PTH2R: variants seen among roughly 807,000 people sequenced by gnomAD.
The protein encoded by PTH2R is PTH2 receptor.
PTH2R carries 59 observed loss-of-function variants against 60.3 expected under a neutral mutation model. That is an observed-to-expected ratio of 0.98 (90% CI 0.79 to 1.22). PTH2R has a LOEUF of 1.22. Ranked by LOEUF, PTH2R falls within the 50% of genes most tolerant of loss-of-function variation. The pLI is 0.00. For missense variants in PTH2R, 749 were observed against 682.6 expected (o/e 1.10, Z -1.08); for synonymous variants, 256 against 243.8 (o/e 1.05, Z -0.47).
At chr2:208,415,185 A>C (rs1321199709) in intron 1 of PTH2R, among the ~76,000 whole-genome samples, 4 of 152,202 alleles carry the variant, frequency 2.6e-5, no homozygotes, top group Non-Finnish European at 4.4e-5. Context: ...TAAGATTTTA[A>C]TAAGGGGAAA....
chr2:208,447,500 A>G (rs921908124), intron 7 of PTH2R, among the ~76,000 whole-genome samples: 3 of 151,676 alleles, frequency 2.0e-5, no homozygotes, highest in African/African-American at 7.3e-5. Flanking sequence ...AAGCAGGAGA[A>G]TGGCGTGAAC....
Position 208,444,790 on chromosome 2 carries a change from T to C in PTH2R, c.756T>C (p.Tyr252=), listed in dbSNP as rs775874032. ...MFIYFLATNY[Y]WILVEGLYLH... is the part of the protein sequence containing the mutation. ...TTTACTTCCTGGCTACAAATTATTA[T>C]TGGATCCTGGTGGAAGGTCTCTACC... Residue 252 remains tyrosine (Y), a synonymous_variant, in exon 7 of 13, where the codon TAT becomes TAC. Coordinates refer to ENST00000272847, the MANE Select transcript of PTH2R (RefSeq NM_005048.4). The C allele has an allele frequency of 3.1e-6, 5 of 1,613,964 alleles. No homozygotes were observed. The highest frequency in any genetic ancestry group is 4.2e-6 in the Non-Finnish European group (5 of 1,179,880).
chr2:208,462,253 TAAG>T (rs958869962), intron 9 of PTH2R, among the ~76,000 whole-genome samples: 3 of 151,980 alleles, frequency 2.0e-5, no homozygotes, highest in Non-Finnish European at 2.9e-5. Flanking sequence ...AAGGCTGAGT[TAAG>T]AAGGAGAAAA....
At chr2:208,420,260 A>C (rs1302298256) in intron 1 of PTH2R, among the ~76,000 whole-genome samples, 1 of 152,058 alleles carries the variant, frequency 6.6e-6, no homozygotes, top group African/African-American at 2.4e-5. Flanking sequence ...CATTGTGCAC[A>C]TGTACCCTAA....
chr2:208,489,072 C>G lies in PTH2R; in HGVS notation c.1137C>G (p.Phe379Leu). ...VLVFGVHYIV[F>L]VCLPHSFTGL... ...TCTTTGGAGTGCATTACATCGTGTT[C>G]GTATGCCTGCCTCACTCCTTCACTG... is the stretch of plus-strand genomic sequence containing the variant. Residue 379 changes from phenylalanine (F) to leucine (L), a missense_variant, in exon 11 of 13, where the codon TTC becomes TTG. Physicochemically the swap from Phe to Leu is conservative, Grantham distance 22 (BLOSUM62 0). Transcript: ENST00000272847. The G allele has an allele frequency of 1.9e-6, 3 of 1,614,108 alleles. No individual in the cohort carries two copies. The highest frequency in any genetic ancestry group is 8.5e-7 in the Non-Finnish European group (1 of 1,180,016).
chr2:208,405,607 C>G (rs1181993031), upstream of PTH2R, among the ~76,000 whole-genome samples: 1 of 152,160 alleles, frequency 6.6e-6, no homozygotes, highest in Non-Finnish European at 1.5e-5. Flanking sequence ...GCTAACGATA[C>G]TAGCTAATAC....
chr2:208,402,397 TTTG>T, upstream of PTH2R, among the ~76,000 whole-genome samples: 1 of 152,372 alleles, frequency 6.6e-6, no homozygotes, highest in African/African-American at 2.4e-5. Context: ...TGTTCCATTT[TTTG>T]TTGTTTTTAT....
At chr2:208,394,513 G>C (rs1016224668) in intron 1 of PTH2R, among the ~76,000 whole-genome samples, 4 of 152,198 alleles carry the variant, frequency 2.6e-5, no homozygotes, top group Non-Finnish European at 1.5e-5. Flanking sequence ...ATGACTGCAG[G>C]CATGACCCTC....
rs1258826945 is a variant in PTH2R, at chr2:208,444,797, CT to C, written c.764del (p.Leu255ArgfsTer27). Reference protein sequence around the residue: ...YFLATNYYWILVEGLYLHNLI... With the variant: ...YFLATNYYWIXVEGLYLHNLI... ...CCTGGCTACAAATTATTATTGGATC[CT>C]GGTGGAAGGTCTCTACCTGCATAAT... On this transcript the variant is annotated frameshift_variant, in exon 7 of 13. Transcript: ENST00000272847. LOFTEE classifies it high-confidence loss of function. 6 of 1,613,498 alleles carry C rather than the reference CT, an allele frequency of 3.7e-6. No homozygotes were observed. The highest frequency in any genetic ancestry group is 5.1e-6 in the Non-Finnish European group (6 of 1,179,716).
intron 4 of PTH2R, among the ~76,000 whole-genome samples, chr2:208,442,144 A>G (rs2105870217): frequency 6.6e-6 from 1 of 152,294 alleles, no homozygotes; most frequent in South Asian, 2.1e-4. Flanking sequence ...GGGGGTGGAT[A>G]GTGGGTGTTT....
intron 1 of PTH2R, chr2:208,361,106 C>G (rs1165735785): frequency 5.7e-6 from 1 of 174,204 alleles, no homozygotes; most frequent in Non-Finnish European, 1.2e-5. Context: ...CCAGCACACA[C>G]AGCAGGCAGT....
chr2:208,465,528 G>C (rs528940995), intron 9 of PTH2R, among the ~76,000 whole-genome samples: 1 of 145,246 alleles, frequency 6.9e-6, no homozygotes, highest in Admixed American at 7.0e-5. Flanking sequence ...TCAGACTCCC[G>C]AGTAGCTGAT....
intron 1 of PTH2R, among the ~76,000 whole-genome samples, chr2:208,363,556 GATTA>G (rs1224064805): frequency 6.6e-6 from 1 of 152,178 alleles, no homozygotes; most frequent in Non-Finnish European, 1.5e-5. Context: ...TAGGTGGAAT[GATTA>G]ATTCACTTTT....
intron 1 of PTH2R, among the ~76,000 whole-genome samples, chr2:208,374,210 C>T (rs1280267577): frequency 6.6e-6 from 1 of 151,860 alleles, no homozygotes; most frequent in Non-Finnish European, 1.5e-5. Flanking sequence ...CTGCCATTTC[C>T]GATGGTTCTT....
At chr2:208,471,004 G>T (rs1702868414) in intron 9 of PTH2R, among the ~76,000 whole-genome samples, 2 of 152,212 alleles carry the variant, frequency 1.3e-5, no homozygotes, top group African/African-American at 4.8e-5. Context: ...GTGGCATTTT[G>T]TTCCTGCCCT....
At chr2:208,365,362 T>TTTTC (rs1559198531) in intron 1 of PTH2R, among the ~76,000 whole-genome samples, 8 of 152,098 alleles carry the variant, frequency 5.3e-5, no homozygotes, top group East Asian at 1.9e-4. Flanking sequence ...TTGAGTGTTT[T>TTTTC]TTTTCTTTTC....
At chr2:208,464,926 A>C (rs528718703) in intron 9 of PTH2R, among the ~76,000 whole-genome samples, 1 of 152,014 alleles carries the variant, frequency 6.6e-6, no homozygotes, top group Non-Finnish European at 1.5e-5. Context: ...CATCCTAGCT[A>C]ACATTTATCT....
intron 1 of PTH2R, among the ~76,000 whole-genome samples, chr2:208,421,024 G>C (rs997533276): frequency 6.6e-6 from 1 of 152,086 alleles, no homozygotes; most frequent in South Asian, 2.1e-4. Context: ...ACCGTGCTTT[G>C]TTTCTAAGTA....
intron 9 of PTH2R, among the ~76,000 whole-genome samples, chr2:208,472,354 T>C (rs1369109477): frequency 6.6e-6 from 1 of 152,188 alleles, no homozygotes; most frequent in East Asian, 1.9e-4. Context: ...ACCAGTCTCT[T>C]TGATAATAGA....
Sources: gnomAD v4.1 joint callset for allele counts (sites outside exome capture counted in the v4.1 genomes callset) on GRCh38, gnomAD v4.1.1 for gene constraint, MANE v1.5 for transcripts, NCBI Gene and HGNC (gene_info 2026-07-23, HGNC 2026-07-21) for gene names.